Variants in DMD observed in about 807,000 individuals in gnomAD.
DMD encodes the protein mutant dystrophin.
In DMD, 63 loss-of-function variants were observed where a neutral mutation model predicts 330.1. The observed-to-expected ratio is 0.19, with a 90% CI of 0.16 to 0.24. The LOEUF is 0.24. DMD is among the 10% of genes least tolerant of loss of function. The pLI is 1.00. For synonymous variants in DMD, 1,223 were observed against 959.8 expected (o/e 1.27, Z -5.07); for missense variants, 3,344 against 2,684.1 (o/e 1.25, Z -5.43).
intron 1 of DMD, among the ~76,000 whole-genome samples, chrX:33,097,766 C>A (rs2095187681): frequency 9.2e-6 from 1 of 108,905 alleles, no homozygotes; most frequent in Non-Finnish European, 1.9e-5. Flanking sequence ...CAGGCACTGG[C>A]CACCACGCCC....
chrX:31,561,731 C>T (rs1299092752), intron 55 of DMD, among the ~76,000 whole-genome samples: 1 of 112,262 alleles, frequency 8.9e-6, no homozygotes, highest in East Asian at 2.8e-4. Flanking sequence ...GTCTGCTCAG[C>T]CCATGTTTCT....
At chrX:32,859,423 G>C (rs1186687782) in intron 2 of DMD, among the ~76,000 whole-genome samples, 1 of 107,470 alleles carries the variant, frequency 9.3e-6, no homozygotes, top group African/African-American at 3.4e-5. Context: ...AGCCGAGATC[G>C]TGCCACTGCA....
intron 2 of DMD, among the ~76,000 whole-genome samples, chrX:32,861,809 A>C (rs1055824172): frequency 9.0e-6 from 1 of 111,714 alleles, no homozygotes; most frequent in Non-Finnish European, 1.9e-5. Context: ...AAGGAAGACA[A>C]AAGTGGAGAG....
At chrX:32,367,446 A>G (rs1012412216) in intron 34 of DMD, among the ~76,000 whole-genome samples, 3 of 112,589 alleles carry the variant, frequency 2.7e-5, no homozygotes, top group Non-Finnish European at 5.6e-5. Flanking sequence ...CTTAATTTAT[A>G]TTTGGATTAC....
intron 7 of DMD, among the ~76,000 whole-genome samples, chrX:32,797,822 T>G (rs933991530): frequency 1.4e-4 from 16 of 111,000 alleles, no homozygotes; most frequent in African/African-American, 4.2e-4. Flanking sequence ...AAAAAAAAAG[T>G]TGTGAAAATA....
chrX:31,450,413 C>T (rs1164403218), intron 59 of DMD, among the ~76,000 whole-genome samples: 1 of 111,786 alleles, frequency 8.9e-6, no homozygotes, highest in African/African-American at 3.3e-5. Context: ...GGATCAGAGG[C>T]CTACTGGAAT....
chrX:32,513,443 T>C (rs1297913543), intron 18 of DMD, among the ~76,000 whole-genome samples: 1 of 112,183 alleles, frequency 8.9e-6, no homozygotes, highest in African/African-American at 3.2e-5. Context: ...AGCCATGATA[T>C]TAGCTTTAAT....
At chrX:33,075,578 T>C (rs1310456438) in intron 1 of DMD, among the ~76,000 whole-genome samples, 2 of 112,497 alleles carry the variant, frequency 1.8e-5, no homozygotes, top group Non-Finnish European at 3.7e-5. Flanking sequence ...TTTCAGGTAT[T>C]CTGTTTTATA....
At chrX:31,763,603 C>T (rs976264099) in intron 51 of DMD, among the ~76,000 whole-genome samples, 29 of 111,766 alleles carry the variant, frequency 2.6e-4, no homozygotes, top group African/African-American at 7.5e-4. Flanking sequence ...AAAACAAAAA[C>T]GACCAGTACA....
At chrX:32,087,742 T>G (rs751070275) in intron 44 of DMD, among the ~76,000 whole-genome samples, 1 of 112,014 alleles carries the variant, frequency 8.9e-6, no homozygotes, top group South Asian at 3.7e-4. Context: ...AAAGCCAATC[T>G]ATGACTACAG....
intron 60 of DMD, among the ~76,000 whole-genome samples, chrX:31,439,714 T>C (rs2064793740): frequency 8.9e-6 from 1 of 112,133 alleles, no homozygotes; most frequent in Non-Finnish European, 1.9e-5. Context: ...AATGGTATAA[T>C]ATTCCTTTAT....
chrX:32,640,367 C>T (rs73209870), intron 11 of DMD, among the ~76,000 whole-genome samples: 94 of 109,182 alleles, frequency 8.6e-4, no homozygotes, highest in Non-Finnish European at 1.6e-3. Flanking sequence ...AAGTATATTG[C>T]CCCAGTTCAC....
At chrX:32,811,346 G>T (rs754103227) in intron 6 of DMD, among the ~76,000 whole-genome samples, 1 of 110,495 alleles carries the variant, frequency 9.1e-6, no homozygotes, top group Admixed American at 9.8e-5. Context: ...CTCCTAAATA[G>T]ATAAATGAAA....
In DMD at chrX:33,012,798, G is replaced by A. The variant is rs189480288; in HGVS notation, c.93+7341C>T. Among the ~76,000 whole-genome samples, 661 of 110,932 alleles carry A rather than the reference G, an allele frequency of 6.0e-3. 7 individuals carry two copies. Among genetic ancestry groups the A allele is most frequent in the African/African-American group, 0.02 (615 of 30,666 alleles). On this transcript the variant is annotated intron_variant, in intron 2 of 78. Transcript: ENST00000357033. ...GTAGGCTAAGCTATGTTGTTTCGAA[G>A]GTTAGGTATATTAAAGGCATTTTTG...
At chrX:32,736,059 C>G (rs1462507529) in intron 7 of DMD, among the ~76,000 whole-genome samples, 1 of 111,664 alleles carries the variant, frequency 9.0e-6, no homozygotes, top group African/African-American at 3.3e-5. Context: ...TGAACTCAAA[C>G]AAATTTACAA....
chrX:32,337,646 A>T lies in DMD; in HGVS notation c.5922+4454T>A, dbSNP rs747416563. Among the ~76,000 whole-genome samples the T allele has an allele frequency of 3.6e-5, 4 of 110,414 alleles. No individual in the cohort carries two copies. The South Asian group carries it at 1.5e-3, about 43-fold the overall frequency. On this transcript the variant is annotated intron_variant, in intron 41 of 78. Transcript: ENST00000357033. ...ATAGAACACATTATGCACAAGCCTT[A>T]TATTTGTTGCCATTATCTCGAATAA... is the stretch of plus-strand genomic sequence containing the variant.
chrX:33,298,938 G>T (rs973489137), intron 1 of DMD, among the ~76,000 whole-genome samples: 7 of 111,610 alleles, frequency 6.3e-5, no homozygotes, highest in Non-Finnish European at 1.3e-4. Flanking sequence ...GTACCAGAAA[G>T]GGGACAGAAG....
intron 62 of DMD, among the ~76,000 whole-genome samples, chrX:31,306,485 A>G (rs2055044942): frequency 8.9e-6 from 1 of 111,934 alleles, no homozygotes; most frequent in Admixed American, 9.5e-5. Context: ...TATATCCCAA[A>G]TTAAATTTCC....
At position 31,769,899 on chromosome X, in the gene DMD, A is replaced by C. The variant is rs769054205; in HGVS notation, c.7542+4061T>G. Among the ~76,000 whole-genome samples the C allele has an allele frequency of 2.7e-5, 3 of 111,754 alleles. 1 individual carries two copies. In the East Asian group the frequency reaches 8.5e-4, roughly 32 times the overall value. ...CTATTCAGGAGAATTGCCTTTCCCT[A>C]ATTTTGAGACTTTGGGAGGAGAGGG... On this transcript the variant is annotated intron_variant, in intron 51 of 78. Transcript: ENST00000357033.
Sources: allele counts gnomAD v4.1 joint callset (sites outside exome capture counted in the v4.1 genomes callset), GRCh38; gene constraint gnomAD v4.1.1; transcripts MANE v1.5; gene names NCBI Gene and HGNC (gene_info 2026-07-23, HGNC 2026-07-21).